The following USP24 variants were observed in gnomAD, a reference collection of about 807,000 sequenced individuals.
USP24 encodes ubiquitin specific peptidase 24, also known as ubiquitin carboxyl-terminal hydrolase 24.
In USP24, 97 loss-of-function variants were observed where a neutral mutation model predicts 361.6. The observed-to-expected ratio is 0.27, with a 90% CI of 0.23 to 0.32. USP24 has a LOEUF of 0.32. Ranked by LOEUF, USP24 falls within the 10% of genes least tolerant of loss-of-function variation. The pLI is 1.00. For synonymous variants in USP24, 1,098 were observed against 1,124.6 expected (o/e 0.98, Z 0.47); for missense variants, 2,353 against 3,165.6 (o/e 0.74, Z 6.16).
intron 20 of USP24, 114 bp from the exon 21 acceptor site, chr1:55,144,317 T>G: frequency 1.8e-6 from 1 of 548,114 alleles, no homozygotes; most frequent in Non-Finnish European, 3.0e-6. Flanking sequence ...CATTGGCTTC[T>G]TAGATATGGT....
At chr1:55,186,687 C>A (rs1018279926) in intron 1 of USP24, among the ~76,000 whole-genome samples, 2 of 152,046 alleles carry the variant, frequency 1.3e-5, no homozygotes, top group African/African-American at 4.8e-5. Context: ...TTATATGATT[C>A]CACTTATATG....
At chr1:55,128,135 T>C (rs1646487780) in intron 32 of USP24, among the ~76,000 whole-genome samples, 1 of 152,194 alleles carries the variant, frequency 6.6e-6, no homozygotes, top group Non-Finnish European at 1.5e-5. Flanking sequence ...TACTGACTAA[T>C]GACTCACCAT....
rs1469315220 is a variant in USP24, at chr1:55,138,644, A to C, written c.2892T>G (p.Val964=). 6.2e-7 allele frequency: 1 copy of C among 1,612,990 alleles called. No individual in the cohort carries two copies. Among genetic ancestry groups the C allele is most frequent in the Admixed American group, 1.7e-5 (1 of 59,884 alleles). ...AGGTATCTTTGGTAGACTCATAGGT[A>C]ACATTAAGGGTTAAAAGATGTCCAT... ...SFHGHLLTLN[V]TYESTKDTFT... is the part of the protein sequence containing the mutation. The change falls in exon 26 of 68, where the codon GTT becomes GTG. Residue 964 remains valine, a synonymous_variant. Coordinates refer to ENST00000294383, the MANE Select transcript of USP24 (RefSeq NM_015306.3).
intron 3 of USP24, among the ~76,000 whole-genome samples, chr1:55,175,898 G>C (rs1304666586): frequency 6.6e-6 from 1 of 152,168 alleles, no homozygotes; most frequent in Non-Finnish European, 1.5e-5. Flanking sequence ...AATAGAGATG[G>C]TGCCTTATGC....
intron 1 of USP24, among the ~76,000 whole-genome samples, chr1:55,213,486 T>C (rs1475494252): frequency 6.6e-6 from 1 of 152,234 alleles, no homozygotes; most frequent in African/African-American, 2.4e-5. Flanking sequence ...TAAAAGGATA[T>C]AACACTGCTC....
At chr1:55,125,883 A>G in intron 32 of USP24, 125 bp from the exon 33 acceptor site, 1 of 768,070 alleles carries the variant, frequency 1.3e-6, no homozygotes, top group Non-Finnish European at 2.1e-6. Context: ...TGTCATAAAA[A>G]GAGCCTACAT....
At chr1:55,211,663 G>A (rs577240394) in intron 1 of USP24, among the ~76,000 whole-genome samples, 11 of 152,226 alleles carry the variant, frequency 7.2e-5, no homozygotes, top group Non-Finnish European at 1.2e-4. Flanking sequence ...GAGAGGCTTG[G>A]ACTAAGACCC....
chr1:55,199,785 AGTATT>A (rs1644521425), intron 1 of USP24, among the ~76,000 whole-genome samples: 1 of 152,180 alleles, frequency 6.6e-6, no homozygotes, highest in Non-Finnish European at 1.5e-5. Flanking sequence ...AAATATATCT[AGTATT>A]GTATTAGTCC....
rs1179670078 is a variant in USP24, at chr1:55,083,876, G to A, written c.6778C>T (p.His2260Tyr). 1 of 1,596,336 alleles carries A rather than the reference G, an allele frequency of 6.3e-7. No individual in the cohort carries two copies. The highest frequency in any genetic ancestry group is 8.5e-7 in the Non-Finnish European group (1 of 1,171,242). ...LFYQDKLKSL[H>Y]QLLEVLLALL... ...GCAAGTAGTACCTCCAGTAACTGAT[G>A]AAGGCTTTTTAACTGGTTAGAGGAA... Residue 2260 changes from histidine (H) to tyrosine (Y), a missense_variant, in exon 57 of 68, where the codon CAT becomes TAT. By Grantham distance (83) the His-to-Tyr change is moderately conservative. Transcript: ENST00000294383.
chr1:55,153,699 C>T (rs1245976153), intron 16 of USP24, among the ~76,000 whole-genome samples, 171 bp downstream of exon 16: 1 of 151,988 alleles, frequency 6.6e-6, no homozygotes, highest in Non-Finnish European at 1.5e-5. Flanking sequence ...GAGCACCTCC[C>T]AAGCTTTAAA....
rs1645469910 is a variant in USP24, at chr1:55,095,248, C to T, written c.6203+7G>A. On this transcript the variant is annotated splice_region_variant and intron_variant, in intron 51 of 67. Transcript: ENST00000294383. ...CACACAGCAAATTACATGGAAGAGACACTTACAGAGAGAGATCCTCAGCTT... is the reference window on the plus strand; with the variant it reads ...CACACAGCAAATTACATGGAAGAGATACTTACAGAGAGAGATCCTCAGCTT... 1 of 1,613,194 alleles carries T rather than the reference C, an allele frequency of 6.2e-7. No homozygotes were observed. Among genetic ancestry groups the T allele is most frequent in the Non-Finnish European group, 8.5e-7 (1 of 1,179,556 alleles).
chr1:55,195,646 A>C (rs12074183), intron 1 of USP24, among the ~76,000 whole-genome samples: 2,564 of 152,290 alleles, frequency 0.017, 66 homozygotes, highest in African/African-American at 0.059. Flanking sequence ...ACATACTATA[A>C]CATGAACAAG....
At chr1:55,185,759 G>A (rs1238626722) in intron 1 of USP24, among the ~76,000 whole-genome samples, 2 of 151,620 alleles carry the variant, frequency 1.3e-5, no homozygotes, top group African/African-American at 4.8e-5. Flanking sequence ...TGTAGAGACA[G>A]GGACTCACTA....
chr1:55,084,991 C>T (rs1645221749), intron 56 of USP24, among the ~76,000 whole-genome samples: 1 of 152,168 alleles, frequency 6.6e-6, no homozygotes, highest in African/African-American at 2.4e-5. Context: ...ATTCTTGATG[C>T]ATCTTAGAAA....
chr1:55,215,344 G>A lies in USP24; in HGVS notation c.-231C>T, dbSNP rs1401846332. Among the ~76,000 whole-genome samples the A allele has an allele frequency of 6.6e-6, 1 of 151,890 alleles. No homozygotes were observed. Among genetic ancestry groups the A allele is most frequent in the Non-Finnish European group, 1.5e-5 (1 of 67,902 alleles). On this transcript the variant is annotated 5_prime_UTR_variant, in exon 1 of 68. Coordinates refer to ENST00000294383, the MANE Select transcript of USP24 (RefSeq NM_015306.3). ...CGGCTGCGGCCCGGCCCAGCCCTGCGCGCCGCCATGTTGGCCTCCTCCCCC... is the reference window on the plus strand; with the variant it reads ...CGGCTGCGGCCCGGCCCAGCCCTGCACGCCGCCATGTTGGCCTCCTCCCCC...
At position 55,147,660 on chromosome 1, in the gene USP24, T is replaced by C; in HGVS notation, c.2107A>G (p.Thr703Ala). ...SGSTLVDGRY[T>A]YREYLEAHLK... ...ACAAGGCCTGATACCTCCCGGTAAG[T>C]GTACCGGCCATCCACTAGTGTCGAG... The change falls in exon 18 of 68, where the codon ACT becomes GCT. Residue 703 changes from threonine (T) to alanine (A), a missense_variant. Thr to Ala is a moderately conservative substitution (Grantham distance 58). Coordinates refer to ENST00000294383, the MANE Select transcript of USP24 (RefSeq NM_015306.3). 6.2e-7 allele frequency: 1 copy of C among 1,609,180 alleles called. No homozygotes were observed. Among genetic ancestry groups the C allele is most frequent in the Non-Finnish European group, 8.5e-7 (1 of 1,177,860 alleles).
chr1:55,168,167 CAAG>C lies in USP24; in HGVS notation c.826-1567_826-1565del, dbSNP rs1649075046. ...CTGAAAGCCAAGCAAGAAATATCTCCAAGAAGGGAGCAACTGGGGTCAGTGCTG... is the reference window on the plus strand; with the variant it reads ...CTGAAAGCCAAGCAAGAAATATCTCCAAGGGAGCAACTGGGGTCAGTGCTG... On this transcript the variant is annotated intron_variant, in intron 5 of 67. Coordinates refer to ENST00000294383, the MANE Select transcript of USP24 (RefSeq NM_015306.3). Among the ~76,000 whole-genome samples the C allele has an allele frequency of 2.0e-5, 3 of 152,234 alleles. No homozygotes were observed. The South Asian group carries it at 6.2e-4, about 32-fold the overall frequency.
intron 1 of USP24, among the ~76,000 whole-genome samples, chr1:55,187,217 TC>T (rs954875457): frequency 1.3e-5 from 2 of 151,654 alleles, no homozygotes; most frequent in African/African-American, 2.4e-5. Context: ...GGAAAAAACT[TC>T]ACAAAATGTA....
rs1275574962 is a variant in USP24, at chr1:55,095,509, GTAAAATGCAAAGT to G, written c.6062-126_6062-114del. 5 of 1,181,088 alleles carry G rather than the reference GTAAAATGCAAAGT, an allele frequency of 4.2e-6. No individual in the cohort carries two copies. The East Asian group carries it at 1.3e-4, about 30-fold the overall frequency. The allele number at this position is 1,181,088 out of a possible 1,614,324, so 73.2% of individuals were successfully genotyped here. ...AAGTAGTTAACTACTCCCTAAGTTT[GTAAAATGCAAAGT>G]ATAAGTAAAATGTGAGTGTCTTTAG... On this transcript the variant is annotated intron_variant, in intron 50 of 67. Transcript: ENST00000294383.
Sources: gnomAD v4.1 joint callset for allele counts (sites outside exome capture counted in the v4.1 genomes callset) on GRCh38, gnomAD v4.1.1 for gene constraint, MANE v1.5 for transcripts, NCBI Gene and HGNC (gene_info 2026-07-23, HGNC 2026-07-21) for gene names.